CEP57L1: variants seen among roughly 807,000 people sequenced by gnomAD.
The protein encoded by CEP57L1 is centrosomal protein 57 like 1.
Under a neutral mutation model 61.0 loss-of-function variants are expected in CEP57L1, and 37 were observed. The observed-to-expected ratio is 0.61, with a 90% CI of 0.47 to 0.80. The LOEUF (loss-of-function observed/expected upper bound fraction) is 0.80. Ranked by LOEUF, CEP57L1 falls within the 30% of genes least tolerant of loss-of-function variation. CEP57L1 has a pLI of 0.00. For synonymous variants in CEP57L1, 137 were observed against 162.3 expected (o/e 0.84, Z 1.19); for missense variants, 422 against 524.7 (o/e 0.80, Z 1.91).
chr6:109,145,189 G>T, intron 1 of CEP57L1, 30 bp from the exon 2 acceptor site: 2 of 1,025,640 alleles, frequency 1.9e-6, no homozygotes, highest in Non-Finnish European at 2.6e-6. Context: ...AGGAAAGCAT[G>T]ATACTATATC....
chr6:109,131,412 C>G (rs1190264398), intron 1 of CEP57L1, among the ~76,000 whole-genome samples: 2 of 151,974 alleles, frequency 1.3e-5, no homozygotes, highest in Non-Finnish European at 2.9e-5. Flanking sequence ...AGATAATATT[C>G]ATTTTACTGT....
intron 1 of CEP57L1, among the ~76,000 whole-genome samples, chr6:109,098,991 A>G (rs1187261917): frequency 2.0e-5 from 3 of 152,204 alleles, no homozygotes; most frequent in African/African-American, 7.2e-5. Flanking sequence ...TTCTAACCTG[A>G]GTAACTAGAA....
Position 109,169,055 on chromosome 6 carries a change from A to G in CEP57L1, c.*6085A>G, listed in dbSNP as rs1163663171. On this transcript the variant is annotated 3_prime_UTR_variant, in exon 11 of 11. Transcript: ENST00000517392. ...ACCCTGGGCGACATGGTGAAATCCC[A>G]TCTCTACTAAAAATACAAAAATTAG... Among the ~76,000 whole-genome samples, 1 of 151,376 alleles carries G rather than the reference A, an allele frequency of 6.6e-6. No homozygotes were observed. Among genetic ancestry groups the G allele is most frequent in the East Asian group, 2.0e-4 (1 of 5,100 alleles).
Position 109,171,111 on chromosome 6 carries a change from T to C in CEP57L1, c.*8141T>C, listed in dbSNP as rs57172936. 0.12 allele frequency among the ~76,000 whole-genome samples: 18,894 copies of C among 152,188 alleles called. 1,304 individuals are homozygous for C. The highest frequency in any genetic ancestry group is 0.21 in the Middle Eastern group (61 of 292). On this transcript the variant is annotated 3_prime_UTR_variant, in exon 11 of 11. Coordinates refer to ENST00000517392, the MANE Select transcript of CEP57L1 (RefSeq NM_001271852.3). ...CCAAAATTTCAAACAGGTTCTTTTTTCTTTGTTCTTTTACAGAATGGCTCT... is the reference window on the plus strand; with the variant it reads ...CCAAAATTTCAAACAGGTTCTTTTTCCTTTGTTCTTTTACAGAATGGCTCT...
chr6:109,153,956 T>C lies in CEP57L1; in HGVS notation c.579+7T>C. The C allele has an allele frequency of 6.9e-7, 1 of 1,458,956 alleles. No homozygotes were observed. Among genetic ancestry groups the C allele is most frequent in the Non-Finnish European group, 9.6e-7 (1 of 1,046,824 alleles). The allele number at this position is 1,458,956 out of a possible 1,614,324, so 90.4% of individuals were successfully genotyped here. A position where few individuals can be genotyped will look rare whatever the true frequency, so the allele number is the denominator to read the frequency against. On this transcript the variant is annotated splice_region_variant and intron_variant, in intron 5 of 10. Coordinates refer to ENST00000517392, the MANE Select transcript of CEP57L1 (RefSeq NM_001271852.3). ...AACTCAGAAAACTGCTGAGGTAAGC[T>C]TTCTTTGAAGTGATGACAACAGGAA...
chr6:109,103,277 G>C (rs1770537883), intron 1 of CEP57L1, among the ~76,000 whole-genome samples: 1 of 152,024 alleles, frequency 6.6e-6, no homozygotes, highest in African/African-American at 2.4e-5. Context: ...TGCTTCCTTA[G>C]TTTTTCTTTT....
In CEP57L1 at chr6:109,162,787, G is replaced by A. The variant is rs2114970592; in HGVS notation, c.1200G>A (p.Met400Ile). 2 of 1,613,166 alleles carry A rather than the reference G, an allele frequency of 1.2e-6. No individual in the cohort carries two copies. Among genetic ancestry groups the A allele is most frequent in the Non-Finnish European group, 1.7e-6 (2 of 1,179,498 alleles). Reference sequence around the variant, plus strand: ...AGCAAAAAGTTCAAAACTCAAAGATGAGTGAAGCTTCAGGTATTCAGCAAG... The same window carrying A: ...AGCAAAAAGTTCAAAACTCAAAGATAAGTGAAGCTTCAGGTATTCAGCAAG... ...KLQQKVQNSK[M>I]SEASGIQQED... Residue 400 changes from methionine to isoleucine, a missense_variant, in exon 11 of 11, where the codon ATG (methionine) becomes ATA (isoleucine). Transcript: ENST00000517392.
At chr6:109,142,254 A>G (rs1039217216) in intron 1 of CEP57L1, among the ~76,000 whole-genome samples, 3 of 152,208 alleles carry the variant, frequency 2.0e-5, no homozygotes, top group Admixed American at 1.3e-4. Context: ...AATGTGGTAC[A>G]TATATTCCAT....
chr6:109,151,705 T>A (rs1772633752), intron 4 of CEP57L1, among the ~76,000 whole-genome samples: 1 of 152,208 alleles, frequency 6.6e-6, no homozygotes, highest in African/African-American at 2.4e-5. Context: ...ATGCTAAGTA[T>A]TGTCTTAGCA....
chr6:109,158,380 T>G (rs958134650), intron 7 of CEP57L1: 3 of 282,670 alleles, frequency 1.1e-5, no homozygotes, highest in Non-Finnish European at 2.1e-5. Context: ...TCCCAGCTAC[T>G]CGGGAGACAA....
chr6:109,168,692 TTCAAGCAATTC>T lies in CEP57L1; in HGVS notation c.*5725_*5735del, dbSNP rs1417224397. ...CTCACTGCAACCTCCACCTCCCAGG[TTCAAGCAATTC>T]TCCTGCCTCAGCCTCCCAAGTAGCT... On this transcript the variant is annotated 3_prime_UTR_variant, in exon 11 of 11. Coordinates refer to ENST00000517392, the MANE Select transcript of CEP57L1 (RefSeq NM_001271852.3). Among the ~76,000 whole-genome samples, 2 of 149,050 alleles carry T rather than the reference TTCAAGCAATTC, an allele frequency of 1.3e-5. No individual in the cohort carries two copies. Among genetic ancestry groups the T allele is most frequent in the Non-Finnish European group, 3.0e-5 (2 of 67,552 alleles).
At chr6:109,136,756 TTTTATTTA>T (rs960987467) in intron 1 of CEP57L1, among the ~76,000 whole-genome samples, 3 of 142,254 alleles carry the variant, frequency 2.1e-5, no homozygotes, top group African/African-American at 8.7e-5. Flanking sequence ...TTTTATTTTA[TTTTATTTA>T]TTTTTTTGAG....
intron 5 of CEP57L1, among the ~76,000 whole-genome samples, chr6:109,154,857 A>AT (rs576630847): frequency 1.1e-3 from 167 of 150,350 alleles, no homozygotes; most frequent in Non-Finnish European, 1.9e-3. Context: ...AAATAGTAGA[A>AT]TTTTTTTTTT....
intron 1 of CEP57L1, among the ~76,000 whole-genome samples, chr6:109,134,484 G>GTT (rs1774585695): frequency 6.6e-6 from 1 of 152,010 alleles, no homozygotes; most frequent in Admixed American, 6.5e-5. Context: ...CTGGAAGCAT[G>GTT]CCCTTTGAAA....
At position 109,167,935 on chromosome 6, in the gene CEP57L1, C is replaced by G. The variant is rs1237767242; in HGVS notation, c.*4965C>G. ...ATTAGCTACTATGGAATTCCGTTTT[C>G]AAGTTGCTTATAGTCTTGAGGAGAG... On this transcript the variant is annotated 3_prime_UTR_variant, in exon 11 of 11. Coordinates refer to ENST00000517392, the MANE Select transcript of CEP57L1 (RefSeq NM_001271852.3). 6.6e-6 allele frequency among the ~76,000 whole-genome samples: 1 copy of G among 152,168 alleles called. No individual in the cohort carries two copies. Among genetic ancestry groups the G allele is most frequent in the African/African-American group, 2.4e-5 (1 of 41,442 alleles).
At chr6:109,152,708 T>C (rs1772775300) in intron 4 of CEP57L1, among the ~76,000 whole-genome samples, 1 of 152,010 alleles carries the variant, frequency 6.6e-6, no homozygotes, top group Non-Finnish European at 1.5e-5. Context: ...TGTGTTCTTA[T>C]GTTTTATTCC....
At chr6:109,136,487 CCCACG>C (rs1770697543) in intron 1 of CEP57L1, among the ~76,000 whole-genome samples, 2 of 151,638 alleles carry the variant, frequency 1.3e-5, no homozygotes, top group Non-Finnish European at 2.9e-5. Context: ...ATGGGTGCAG[CCCACG>C]AACATGGCAC....
chr6:109,156,615 A>G (rs911556018), intron 7 of CEP57L1: 1 of 152,072 alleles, frequency 6.6e-6, no homozygotes, highest in African/African-American at 2.4e-5. Context: ...GGCCATTATT[A>G]CTATTTATTC....
rs554795298 is a variant in CEP57L1, at chr6:109,124,606, CAGA to C, written c.-3-20607_-3-20605del. Among the ~76,000 whole-genome samples the C allele has an allele frequency of 8.5e-5, 13 of 152,336 alleles. 1 individual carries two copies. In the East Asian group the frequency reaches 2.1e-3, roughly 25 times the overall value. On this transcript the variant is annotated intron_variant, in intron 1 of 10. Transcript: ENST00000517392. ...TACATGGATTTAGTAAGTTAATTCACAGAAGAAGTTTTTAATAAATGTGAGATA... is the reference window on the plus strand; with the variant it reads ...TACATGGATTTAGTAAGTTAATTCACAGAAGTTTTTAATAAATGTGAGATA...
Sources: allele counts gnomAD v4.1 joint callset (sites outside exome capture counted in the v4.1 genomes callset), GRCh38; gene constraint gnomAD v4.1.1; transcripts MANE v1.5; gene names NCBI Gene and HGNC (gene_info 2026-07-23, HGNC 2026-07-21).